BMP2K: variants seen among roughly 807,000 people sequenced by gnomAD.
The protein encoded by BMP2K is BMP2 inducible kinase.
In BMP2K, 74 loss-of-function variants were observed where a neutral mutation model predicts 116.0. That is an observed-to-expected ratio of 0.64 (90% CI 0.53 to 0.77). BMP2K has a LOEUF of 0.77. Among genes scored for constraint, BMP2K ranks in the 30% least tolerant of loss-of-function variants. The pLI is 0.00. For missense variants in BMP2K, 1,365 were observed against 1,403.6 expected (o/e 0.97, Z 0.44); for synonymous variants, 486 against 502.5 (o/e 0.97, Z 0.44).
intron 2 of BMP2K, among the ~76,000 whole-genome samples, chr4:78,832,308 G>A (rs578084053): frequency 7.2e-5 from 11 of 152,140 alleles, no homozygotes; most frequent in African/African-American, 2.4e-4. Flanking sequence ...GTATTTTTCC[G>A]CATTCTTGCC....
intron 2 of BMP2K, among the ~76,000 whole-genome samples, chr4:78,827,280 C>T (rs1729920015): frequency 1.3e-5 from 2 of 151,748 alleles, no homozygotes; most frequent in Non-Finnish European, 2.9e-5. Flanking sequence ...TTTTGTATTC[C>T]ATTGCATAAG....
In BMP2K at chr4:78,878,774, C is replaced by G. The variant is rs1475062537; in HGVS notation, c.1834C>G (p.Gln612Glu). The G allele has an allele frequency of 1.2e-6, 2 of 1,612,408 alleles. No homozygotes were observed. The highest frequency in any genetic ancestry group is 1.7e-6 in the Non-Finnish European group (2 of 1,179,526). Residue 612 changes from glutamine to glutamate, a missense_variant, in exon 14 of 16, where the codon CAG (glutamine) becomes GAG (glutamate). By Grantham distance (29) the Gln-to-Glu change is conservative (BLOSUM62 2). Around this residue, in one of 3 missense-constraint regions of BMP2K, gnomAD observed 762 missense variants for 756.7 expected, o/e 1.01. Coordinates refer to ENST00000502613, the MANE Select transcript of BMP2K (RefSeq NM_198892.2). ...DKEAIANFTN[Q>E]KNISNPPDMS... ...AGAGGCCATTGCAAATTTCACAAAT[C>G]AGAAGAACATCAGCAATCCACCTGA...
chr4:78,886,518 G>A (rs999619265), intron 14 of BMP2K, among the ~76,000 whole-genome samples: 1 of 152,084 alleles, frequency 6.6e-6, no homozygotes, highest in Non-Finnish European at 1.5e-5. Context: ...TCTTTGTTTT[G>A]TTTGACCTTA....
At chr4:78,891,214 A>G (rs1248232026) in intron 15 of BMP2K, among the ~76,000 whole-genome samples, 1 of 152,110 alleles carries the variant, frequency 6.6e-6, no homozygotes, top group East Asian at 1.9e-4. Context: ...GAAATCTGAT[A>G]TTATTCTCTT....
In BMP2K at chr4:78,911,267, T is replaced by C; in HGVS notation, c.2720T>C (p.Val907Ala). ...ACAAAGGCGCCTTTTAGCAAGAAGG[T>C]GAATGTACAAGAATGCCATGCAGTG... ...VFTKAPFSKK[V>A]NVQECHAVGP... Residue 907 changes from valine (V) to alanine (A), a missense_variant, in exon 16 of 16, where the codon GTG becomes GCG. Physicochemically the swap from Val to Ala is moderately conservative, Grantham distance 64 (BLOSUM62 0). Transcript: ENST00000502613. 1 of 1,613,884 alleles carries C rather than the reference T, an allele frequency of 6.2e-7. No homozygotes were observed. Among genetic ancestry groups the C allele is most frequent in the Non-Finnish European group, 8.5e-7 (1 of 1,179,862 alleles).
chr4:78,866,931 G>C (rs529469272), intron 10 of BMP2K, among the ~76,000 whole-genome samples: 2 of 152,304 alleles, frequency 1.3e-5, no homozygotes, highest in Middle Eastern at 3.4e-3. Flanking sequence ...GGCATATGAA[G>C]CTGGGTGCAG....
At chr4:78,782,364 CAG>C (rs1727543882) in intron 1 of BMP2K, among the ~76,000 whole-genome samples, 1 of 152,222 alleles carries the variant, frequency 6.6e-6, no homozygotes, top group Non-Finnish European at 1.5e-5. Context: ...TAAGGCTAGA[CAG>C]ACTCTGTTTT....
At position 78,833,585 on chromosome 4, in the gene BMP2K, G is replaced by C. The variant is rs772459543; in HGVS notation, c.301G>C (p.Glu101Gln). ...TCATTTTTTTTTTTCTTTCCAGAAA[G>C]AGCTATCTGGTCACAAAAATATTGT... ...VCKREITIMK[E>Q]LSGHKNIVGY... Residue 101 changes from glutamate (E) to glutamine (Q), a missense_variant, in exon 3 of 16, where the codon GAG becomes CAG. Physicochemically the swap from Glu to Gln is conservative, Grantham distance 29. Around this residue, in one of 3 missense-constraint regions of BMP2K, gnomAD observed 762 missense variants for 756.7 expected, o/e 1.01. Transcript: ENST00000502613. The C allele has an allele frequency of 1.9e-6, 3 of 1,574,304 alleles. No homozygotes were observed. The highest frequency in any genetic ancestry group is 2.6e-6 in the Non-Finnish European group (3 of 1,164,616).
chr4:78,865,449 T>C, intron 9 of BMP2K, 108 bp from the exon 10 acceptor site: 1 of 1,011,602 alleles, frequency 9.9e-7, no homozygotes, highest in Non-Finnish European at 1.5e-6. Flanking sequence ...ACTAATGCGA[T>C]TATCAGTAAT....
intron 1 of BMP2K, among the ~76,000 whole-genome samples, chr4:78,777,757 C>CT (rs1727315153): frequency 6.6e-6 from 1 of 152,174 alleles, no homozygotes; most frequent in South Asian, 2.1e-4. Context: ...AAACAGTAGA[C>CT]TGAGATTCCG....
chr4:78,899,835 A>G (rs1273061554), intron 15 of BMP2K, among the ~76,000 whole-genome samples: 1 of 152,178 alleles, frequency 6.6e-6, no homozygotes, highest in African/African-American at 2.4e-5. Flanking sequence ...AGAGTTGAAG[A>G]AGTTGAGATA....
Position 78,847,048 on chromosome 4 carries a change from T to A in BMP2K, c.669-140T>A, listed in dbSNP as rs184402530. The A allele has an allele frequency of 1.9e-3, 697 of 359,582 alleles. 7 individuals carry two copies. Among genetic ancestry groups the A allele is most frequent in the South Asian group, 0.011 (80 of 7,096 alleles). 22.3% of individuals were successfully genotyped at this position (359,582 alleles called of 1,614,324 possible). ...CCTTGACGGGTTTTTAATGAGTTTT[T>A]AAAAATAGTATTACTCTATATAATG... On this transcript the variant is annotated intron_variant, in intron 5 of 15. Coordinates refer to ENST00000502613, the MANE Select transcript of BMP2K (RefSeq NM_198892.2).
Position 78,812,054 on chromosome 4 carries a change from A to C in BMP2K, c.179-13983A>C, listed in dbSNP as rs528611639. Among the ~76,000 whole-genome samples the C allele has an allele frequency of 9.2e-5, 14 of 152,142 alleles. No homozygotes were observed. The East Asian group carries it at 2.7e-3, about 29-fold the overall frequency. ...AGTGGCATGAACTCGGCTTACTGCA[A>C]CCTCCATCTCCCAGGTTCAAGTGAT... On this transcript the variant is annotated intron_variant, in intron 1 of 15. Transcript: ENST00000502613.
At chr4:78,885,890 T>G (rs1268325303) in intron 14 of BMP2K, among the ~76,000 whole-genome samples, 1 of 152,204 alleles carries the variant, frequency 6.6e-6, no homozygotes, top group Non-Finnish European at 1.5e-5. Flanking sequence ...AGAGTCTCTC[T>G]GTCATCCAGG....
chr4:78,896,267 A>T (rs2110086822), intron 15 of BMP2K, among the ~76,000 whole-genome samples: 1 of 152,328 alleles, frequency 6.6e-6, no homozygotes, highest in South Asian at 2.1e-4. Flanking sequence ...AGTTTTTTAT[A>T]CAAATGCCTA....
intron 15 of BMP2K, among the ~76,000 whole-genome samples, chr4:78,894,515 C>T (rs77812130): frequency 0.016 from 2,489 of 152,328 alleles, 70 homozygotes; most frequent in African/African-American, 0.057. Context: ...TTTCTCACTT[C>T]ACTCAGCCTT....
At chr4:78,870,632 C>A in intron 10 of BMP2K, 151 bp from the exon 11 acceptor site, 1 of 1,059,806 alleles carries the variant, frequency 9.4e-7, no homozygotes, top group East Asian at 2.7e-5. Flanking sequence ...TAAAGTAAAT[C>A]CCTATAAACT....
chr4:78,903,094 G>GGTATT (rs150095379), intron 15 of BMP2K, among the ~76,000 whole-genome samples: 1,800 of 151,838 alleles, frequency 0.012, 14 homozygotes, highest in Non-Finnish European at 0.02. Flanking sequence ...TTCCCACCAA[G>GGTATT]GTATTGTATT....
intron 1 of BMP2K, among the ~76,000 whole-genome samples, chr4:78,823,795 A>G (rs890156964): frequency 6.6e-6 from 1 of 152,022 alleles, no homozygotes; most frequent in African/African-American, 2.4e-5. Context: ...AAGCATTGTT[A>G]TAGAGGAATA....
Sources: allele counts gnomAD v4.1 joint callset (sites outside exome capture counted in the v4.1 genomes callset), GRCh38; gene constraint gnomAD v4.1.1; regional missense constraint gnomAD v4.1.1; transcripts MANE v1.5; gene names NCBI Gene and HGNC (gene_info 2026-07-23, HGNC 2026-07-21).